The following ADAMTS12 variants were observed in gnomAD, a reference collection of about 807,000 sequenced individuals.
ADAMTS12 encodes the protein ADAM metallopeptidase with thrombospondin type 1 motif 12.
A neutral mutation model predicts 167.8 loss-of-function variants in ADAMTS12; 118 were observed. The ratio of observed to expected loss-of-function variants is 0.70; its 90% CI spans 0.61 to 0.82. ADAMTS12 has a LOEUF of 0.82. ADAMTS12 is among the 40% of genes least tolerant of loss of function. The probability of loss-of-function intolerance (pLI) is 0.00; values close to 1 mark genes in which losing one functional copy is unlikely to be tolerated. For missense variants in ADAMTS12, 1,916 were observed against 1,998.8 expected, an observed-to-expected ratio of 0.96 and a Z score of 0.79; for synonymous variants, 704 against 716.9, an observed-to-expected ratio of 0.98 and a Z score of 0.29.
At chr5:33,772,327 C>G (rs1301865974) in intron 2 of ADAMTS12, among the ~76,000 whole-genome samples, 2 of 152,220 alleles carry the variant, frequency 1.3e-5, no homozygotes, top group African/African-American at 4.8e-5. Flanking sequence ...ACAGCAGACA[C>G]TGCCATTCAT....
intron 19 of ADAMTS12, 75 bp downstream of exon 19, chr5:33,575,979 T>G (rs1746684340): frequency 1.3e-6 from 2 of 1,523,592 alleles, no homozygotes; most frequent in Non-Finnish European, 1.8e-6. Flanking sequence ...AAACTCATTT[T>G]GAAATTTTCA....
chr5:33,589,583 A>C (rs1288008625), intron 17 of ADAMTS12, among the ~76,000 whole-genome samples: 1 of 152,222 alleles, frequency 6.6e-6, no homozygotes, highest in Non-Finnish European at 1.5e-5. Context: ...GCAGGGAGCC[A>C]TCTCTTGTCC....
At chr5:33,657,398 C>G (rs1179221637) in intron 7 of ADAMTS12, among the ~76,000 whole-genome samples, 1 of 152,112 alleles carries the variant, frequency 6.6e-6, no homozygotes, top group Non-Finnish European at 1.5e-5. Flanking sequence ...TCATGTGCCT[C>G]CCCACCCAGT....
intron 16 of ADAMTS12, among the ~76,000 whole-genome samples, chr5:33,606,757 A>T (rs1738458832): frequency 6.6e-6 from 1 of 152,230 alleles, no homozygotes; most frequent in Non-Finnish European, 1.5e-5. Flanking sequence ...CAACTCATTT[A>T]TGAGCCTTCT....
intron 5 of ADAMTS12, among the ~76,000 whole-genome samples, chr5:33,681,453 T>C (rs1742110297): frequency 6.6e-6 from 1 of 152,172 alleles, no homozygotes; most frequent in South Asian, 2.1e-4. Flanking sequence ...CTACCATTCA[T>C]TACATTTCAC....
chr5:33,861,398 C>CT (rs1469206514), intron 2 of ADAMTS12, among the ~76,000 whole-genome samples: 3 of 152,112 alleles, frequency 2.0e-5, no homozygotes, highest in Admixed American at 6.6e-5. Flanking sequence ...ATAAAACAGA[C>CT]TTTAAGCCAA....
At chr5:33,597,601 CT>C (rs758686364) in intron 16 of ADAMTS12, among the ~76,000 whole-genome samples, 15 of 152,208 alleles carry the variant, frequency 9.9e-5, no homozygotes, top group Non-Finnish European at 1.9e-4. Flanking sequence ...CCAAATCCCC[CT>C]GATGCCAGAT....
intron 18 of ADAMTS12, among the ~76,000 whole-genome samples, chr5:33,583,713 T>C (rs887639299): frequency 2.0e-5 from 3 of 152,238 alleles, no homozygotes; most frequent in African/African-American, 7.2e-5. Context: ...TATCTCATTA[T>C]AGTTTTGATT....
chr5:33,674,455 C>T (rs952237309), intron 5 of ADAMTS12, among the ~76,000 whole-genome samples: 6 of 152,058 alleles, frequency 3.9e-5, no homozygotes, highest in Non-Finnish European at 8.8e-5. Flanking sequence ...GTAAAGGAAA[C>T]AGCCTTAGAA....
In ADAMTS12 at chr5:33,699,042, AGCTACTTGGG is replaced by A. The variant is rs1742891037; in HGVS notation, c.635-14997_635-14988del. Among the ~76,000 whole-genome samples the A allele has an allele frequency of 2.0e-5, 3 of 152,316 alleles. No homozygotes were observed. In the South Asian group the frequency reaches 6.2e-4, roughly 32 times the overall value. ...TGTGGTGGTGGGCACCTGTAATCCCAGCTACTTGGGAGGCTGAGGCAGGAGAATTGCTTGA... is the reference window on the plus strand; with the variant it reads ...TGTGGTGGTGGGCACCTGTAATCCCAAGGCTGAGGCAGGAGAATTGCTTGA... On this transcript the variant is annotated intron_variant, in intron 3 of 23. Coordinates refer to ENST00000504830, the MANE Select transcript of ADAMTS12 (RefSeq NM_030955.4).
intron 3 of ADAMTS12, among the ~76,000 whole-genome samples, chr5:33,697,041 G>C (rs1366235775): frequency 6.6e-6 from 1 of 152,076 alleles, no homozygotes; most frequent in African/African-American, 2.4e-5. Flanking sequence ...ACCTCCCTCT[G>C]TAACTCCTCT....
chr5:33,635,559 A>G (rs1740148791), intron 12 of ADAMTS12, among the ~76,000 whole-genome samples: 1 of 152,206 alleles, frequency 6.6e-6, no homozygotes, highest in Non-Finnish European at 1.5e-5. Flanking sequence ...TGGAGATAAA[A>G]TTAGGAAAAA....
At chr5:33,864,824 C>T (rs1195489415) in intron 2 of ADAMTS12, among the ~76,000 whole-genome samples, 1 of 152,088 alleles carries the variant, frequency 6.6e-6, no homozygotes, top group Non-Finnish European at 1.5e-5. Flanking sequence ...GAACATCACA[C>T]ATCAGGGCCT....
chr5:33,694,267 T>C, intron 3 of ADAMTS12, among the ~76,000 whole-genome samples: 1 of 152,208 alleles, frequency 6.6e-6, no homozygotes, highest in Non-Finnish European at 1.5e-5. Flanking sequence ...TCTCTAATTC[T>C]TTTATTAATG....
At chr5:33,620,914 A>G (rs2112112163) in intron 14 of ADAMTS12, among the ~76,000 whole-genome samples, 1 of 152,342 alleles carries the variant, frequency 6.6e-6, no homozygotes, top group Admixed American at 6.5e-5. Context: ...GTGTTATTCA[A>G]GGGTCAACTG....
Position 33,881,496 on chromosome 5 carries a change from A to G in ADAMTS12, c.128-16T>C. 1 of 1,605,428 alleles carries G rather than the reference A, an allele frequency of 6.2e-7. No homozygotes were observed. Among genetic ancestry groups the G allele is most frequent in the Non-Finnish European group, 8.5e-7 (1 of 1,178,150 alleles). Reference sequence around the variant, plus strand: ...ATAAAATGCTCTGAAAGAAAAGGAGAAATGGAAGAACAGTGAGGGAGATTG... The same window carrying G: ...ATAAAATGCTCTGAAAGAAAAGGAGGAATGGAAGAACAGTGAGGGAGATTG... On this transcript the variant is annotated splice_polypyrimidine_tract_variant and intron_variant, in intron 1 of 23. Transcript: ENST00000504830.
In ADAMTS12 at chr5:33,549,246, C is replaced by G. The variant is rs750706971; in HGVS notation, c.4263G>C (p.Pro1421=). 1.5e-5 allele frequency: 24 copies of G among 1,614,026 alleles called. No individual in the cohort carries two copies. Among genetic ancestry groups the G allele is most frequent in the Non-Finnish European group, 2.0e-5 (24 of 1,180,024 alleles). ...CCACCTGCCACGCCTCACAGGGCTC[C>G]GGGTTACAGCTCATGCTCAATGGGG... The part of the protein sequence containing the change: ...IPPPLSMSCN[P]EPCEAWQVEP... Residue 1421 remains proline (P), a synonymous_variant, in exon 21 of 24, where the codon CCG becomes CCC. Transcript: ENST00000504830.
At chr5:33,814,182 A>G (rs550248497) in intron 2 of ADAMTS12, among the ~76,000 whole-genome samples, 4 of 152,270 alleles carry the variant, frequency 2.6e-5, no homozygotes, top group African/African-American at 7.2e-5. Flanking sequence ...AATGTTATAA[A>G]TATTTTCCCC....
rs140752129 is a variant in ADAMTS12, at chr5:33,885,843, A to C, written c.128-4363T>G. 3.6e-3 allele frequency among the ~76,000 whole-genome samples: 547 copies of C among 152,334 alleles called. 3 individuals carry two copies. The highest frequency in any genetic ancestry group is 0.013 in the African/African-American group (524 of 41,572). On this transcript the variant is annotated intron_variant, in intron 1 of 23. Transcript: ENST00000504830. ...AATGAGTTTGGAGTGACAGATCAAC[A>C]GGAGTGTTAGCAGGAGGCAAGGATG...
Sources: gnomAD v4.1 joint callset for allele counts (sites outside exome capture counted in the v4.1 genomes callset) on GRCh38, gnomAD v4.1.1 for gene constraint, MANE v1.5 for transcripts, NCBI Gene and HGNC (gene_info 2026-07-23, HGNC 2026-07-21) for gene names.